DNAH11: variants seen among roughly 807,000 people sequenced by gnomAD.
DNAH11 encodes the protein dynein axonemal heavy chain 11, also known as axonemal beta dynein heavy chain 11.
Under a neutral mutation model 526.0 loss-of-function variants are expected in DNAH11, and 442 were observed. That is an observed-to-expected ratio of 0.84 (90% CI 0.78 to 0.91). DNAH11 has a LOEUF of 0.91. Among genes scored for constraint, DNAH11 ranks in the 40% least tolerant of loss-of-function variants. The pLI is 0.00. For missense variants in DNAH11, 6,989 were observed against 5,448.7 expected, an observed-to-expected ratio of 1.28 and a Z score of -8.90; for synonymous variants, 2,461 against 1,935.9, an observed-to-expected ratio of 1.27 and a Z score of -7.12.
chr7:21,552,871 G>C (rs1783073186), intron 2 of DNAH11, among the ~76,000 whole-genome samples: 1 of 147,846 alleles, frequency 6.8e-6, no homozygotes, highest in Admixed American at 6.8e-5. Flanking sequence ...GGGTGTAGGG[G>C]TTAGGCACCA....
chr7:21,696,569 G>A (rs1300943425), intron 35 of DNAH11, among the ~76,000 whole-genome samples: 2 of 152,100 alleles, frequency 1.3e-5, no homozygotes, highest in East Asian at 1.9e-4. Context: ...TCCTATTTGT[G>A]ACCCAATTTA....
At position 21,736,104 on chromosome 7, in the gene DNAH11, T is replaced by G. The variant is rs149276824; in HGVS notation, c.7645+260T>G. The stretch of plus-strand genomic sequence containing the variant: ...AATATACATCAATAGTGTTAATGTG[T>G]TACCTCGAAACCACTGGTTGCTTTT... On this transcript the variant is annotated intron_variant, in intron 46 of 81. Coordinates refer to ENST00000409508, the MANE Select transcript of DNAH11 (RefSeq NM_001277115.2). Among the ~76,000 whole-genome samples, 242 of 152,334 alleles carry G rather than the reference T, an allele frequency of 1.6e-3. 1 individual carries two copies. The Middle Eastern group carries it at 0.017, about 11-fold the overall frequency.
chr7:21,759,504 C>T lies in DNAH11; in HGVS notation c.8941-5924C>T, dbSNP rs571213378. The stretch of plus-strand genomic sequence containing the variant: ...TAAAGTGACACCGAAGCAGTCAAAC[C>T]TGGGAAGGTTTTCTGCACTAAACCT... On this transcript the variant is annotated intron_variant, in intron 54 of 81. Transcript: ENST00000409508. Among the ~76,000 whole-genome samples the T allele has an allele frequency of 2.6e-5, 4 of 152,300 alleles. No homozygotes were observed. The East Asian group carries it at 7.7e-4, about 29-fold the overall frequency.
chr7:21,884,621 C>G lies in DNAH11; in HGVS notation c.12507+211C>G, dbSNP rs6963989. Among the ~76,000 whole-genome samples the G allele has an allele frequency of 0.21, 32,090 of 152,062 alleles. 3,890 individuals are homozygous for G. Among genetic ancestry groups the G allele is most frequent in the Non-Finnish European group, 0.28 (18,844 of 67,974 alleles). On this transcript the variant is annotated intron_variant, in intron 76 of 81. Transcript: ENST00000409508. ...TTTTCACAAGTCTTCCAGGTGATCT[C>G]TGTGTGTGCTAGAGAGTGCACCAGC...
At chr7:21,830,491 C>T (rs1487479908) in intron 65 of DNAH11, among the ~76,000 whole-genome samples, 2 of 152,022 alleles carry the variant, frequency 1.3e-5, no homozygotes, top group African/African-American at 2.4e-5. Flanking sequence ...CTCTCAGTAC[C>T]CTCTTGTGAT....
intron 9 of DNAH11, among the ~76,000 whole-genome samples, chr7:21,586,364 A>G (rs1784477748): frequency 6.6e-6 from 1 of 152,180 alleles, no homozygotes; most frequent in Admixed American, 6.5e-5. Context: ...CCCAAACTCA[A>G]CAAAACAATG....
In DNAH11 at chr7:21,698,186, G is replaced by T. The variant is rs369681550; in HGVS notation, c.6153G>T (p.Thr2051=). The T allele has an allele frequency of 1.9e-6, 3 of 1,613,348 alleles. No individual in the cohort carries two copies. Among genetic ancestry groups the T allele is most frequent in the East Asian group, 2.2e-5 (1 of 44,882 alleles). ...CCCGAAAGTTCATTACGTTGTACAC[G>T]CTTTGCAAGGAGCTTCTCTCCAAGC... ...ALARKFITLY[T]LCKELLSKQD... Residue 2051 remains threonine, a synonymous_variant, in exon 36 of 82, where the codon ACG becomes ACT. Transcript: ENST00000409508.
At chr7:21,669,643 A>G (rs1319532073) in intron 30 of DNAH11, among the ~76,000 whole-genome samples, 3 of 139,984 alleles carry the variant, frequency 2.1e-5, no homozygotes, top group Non-Finnish European at 3.1e-5. Flanking sequence ...GTCTTTTTAA[A>G]AATGTTTTTC....
intron 54 of DNAH11, among the ~76,000 whole-genome samples, chr7:21,751,609 C>T (rs1786414614): frequency 6.6e-6 from 1 of 152,144 alleles, no homozygotes; most frequent in African/African-American, 2.4e-5. Flanking sequence ...TAGTGGCAGG[C>T]TGCGGCGGCT....
rs773363827 is a variant in DNAH11, at chr7:21,543,579, C to T, written c.334C>T (p.Leu112Phe). The T allele has an allele frequency of 2.5e-6, 4 of 1,597,088 alleles. No homozygotes were observed. The highest frequency in any genetic ancestry group is 3.4e-6 in the Non-Finnish European group (4 of 1,171,608). ...LVFSFAASGR[L>F]AASQEIPRDA... is the part of the protein sequence containing the mutation. The stretch of plus-strand genomic sequence containing the variant: ...GTTTAGCTTCGCCGCCTCGGGGCGC[C>T]TTGCGGCTTCCCAGGAGGTAAGAGG... Residue 112 changes from leucine to phenylalanine, a missense_variant, in exon 1 of 82, where the codon CTT (leucine) becomes TTT (phenylalanine). Coordinates refer to ENST00000409508, the MANE Select transcript of DNAH11 (RefSeq NM_001277115.2).
chr7:21,767,434 A>C (rs569411706), intron 55 of DNAH11, among the ~76,000 whole-genome samples: 169 of 152,148 alleles, frequency 1.1e-3, no homozygotes, highest in African/African-American at 3.9e-3. Context: ...CAGCTAAAGG[A>C]GTTTGATATG....
chr7:21,675,010 A>G (rs976917067), intron 30 of DNAH11, among the ~76,000 whole-genome samples: 2 of 152,182 alleles, frequency 1.3e-5, no homozygotes, highest in African/African-American at 2.4e-5. Flanking sequence ...TGCTTTGATA[A>G]TGTCCTAGAC....
At chr7:21,593,256 A>T (rs956560938) in intron 14 of DNAH11, among the ~76,000 whole-genome samples, 1 of 152,160 alleles carries the variant, frequency 6.6e-6, no homozygotes, top group African/African-American at 2.4e-5. Flanking sequence ...ACCTGAAAAT[A>T]AAGACGGAGG....
At chr7:21,806,144 A>G (rs1789253527) in intron 62 of DNAH11, among the ~76,000 whole-genome samples, 1 of 152,200 alleles carries the variant, frequency 6.6e-6, no homozygotes, top group Admixed American at 6.5e-5. Context: ...CTTGTTAGCC[A>G]ATGTCAGTAA....
intron 49 of DNAH11, among the ~76,000 whole-genome samples, chr7:21,742,379 G>C (rs972878553): frequency 6.6e-6 from 1 of 152,202 alleles, no homozygotes; most frequent in African/African-American, 2.4e-5. Flanking sequence ...AATCGTGGTA[G>C]AAGGTGATGG....
chr7:21,650,444 A>C (rs1787575640), intron 28 of DNAH11, among the ~76,000 whole-genome samples: 1 of 151,922 alleles, frequency 6.6e-6, no homozygotes, highest in Non-Finnish European at 1.5e-5. Context: ...TATATACTTA[A>C]ACAAAATTGT....
chr7:21,624,872 C>T (rs113353082), intron 25 of DNAH11, among the ~76,000 whole-genome samples: 1 of 151,996 alleles, frequency 6.6e-6, no homozygotes, highest in Non-Finnish European at 1.5e-5. Flanking sequence ...TTCTTGCATT[C>T]CTGAGATAAA....
At chr7:21,607,829 T>A (rs1785357319) in intron 20 of DNAH11, among the ~76,000 whole-genome samples, 1 of 150,432 alleles carries the variant, frequency 6.6e-6, no homozygotes, top group Non-Finnish European at 1.5e-5. Context: ...TCCCAACTAC[T>A]CAGGAGGCTG....
intron 42 of DNAH11, among the ~76,000 whole-genome samples, chr7:21,714,305 G>A (rs917626985): frequency 6.6e-6 from 1 of 152,128 alleles, no homozygotes; most frequent in Non-Finnish European, 1.5e-5. Context: ...GAATTAATGG[G>A]TAGATGTTAA....
Sources: gnomAD v4.1 joint callset for allele counts (sites outside exome capture counted in the v4.1 genomes callset) on GRCh38, gnomAD v4.1.1 for gene constraint, MANE v1.5 for transcripts, NCBI Gene and HGNC (gene_info 2026-07-23, HGNC 2026-07-21) for gene names.